Variants in WDR49 observed in about 807,000 individuals in gnomAD.
The protein encoded by WDR49 is cilia- and flagella-associated protein 337.
Under a neutral mutation model 119.5 loss-of-function variants are expected in WDR49, and 107 were observed. The observed-to-expected ratio is 0.90, with a 90% CI of 0.77 to 1.05. The LOEUF is 1.05. WDR49 is among the 50% of genes least tolerant of loss of function. The pLI is 0.00. For missense variants in WDR49, 1,240 were observed against 1,220.5 expected, an observed-to-expected ratio of 1.02 and a Z score of -0.24; for synonymous variants, 425 against 418.8, an observed-to-expected ratio of 1.01 and a Z score of -0.18.
chr3:167,491,756 C>T (rs1751140420), intron 18 of WDR49, among the ~76,000 whole-genome samples: 1 of 152,024 alleles, frequency 6.6e-6, no homozygotes, highest in African/African-American at 2.4e-5. Context: ...AAGTAGCTTC[C>T]AGGATTTTGA....
At chr3:167,654,886 G>A (rs1273376106), upstream of WDR49, among the ~76,000 whole-genome samples, 3 of 150,482 alleles carry the variant, frequency 2.0e-5, no homozygotes, top group Non-Finnish European at 4.4e-5. Context: ...GCAACAGAAT[G>A]AGACCCTGTC....
At chr3:167,651,289 T>G (rs1718367468) in intron 2 of WDR49, among the ~76,000 whole-genome samples, 1 of 152,162 alleles carries the variant, frequency 6.6e-6, no homozygotes, top group South Asian at 2.1e-4. Flanking sequence ...TCTTGACATT[T>G]CTAAGAGCAT....
At chr3:167,517,177 A>G (rs1413763945) in intron 16 of WDR49, among the ~76,000 whole-genome samples, 1 of 152,014 alleles carries the variant, frequency 6.6e-6, no homozygotes, top group Admixed American at 6.6e-5. Context: ...CTATTTTAAA[A>G]TTCATATGGA....
At position 167,576,029 on chromosome 3, in the gene WDR49, G is replaced by T; in HGVS notation, c.1398C>A (p.Ile466=). ...ACAATGCTAGCTGGTTATTAAACGAGATGAAAAGTCGTCCATGGGCTTCAT... is the reference window on the plus strand; with the variant it reads ...ACAATGCTAGCTGGTTATTAAACGATATGAAAAGTCGTCCATGGGCTTCAT... ...HFDEAHGRLF[I]SFNNQLALLA... The change falls in exon 8 of 19, where the codon ATC becomes ATA. Residue 466 remains isoleucine (I), a synonymous_variant. Transcript: ENST00000682715. 6.2e-7 allele frequency: 1 copy of T among 1,614,128 alleles called. No homozygotes were observed. Among genetic ancestry groups the T allele is most frequent in the Non-Finnish European group, 8.5e-7 (1 of 1,180,004 alleles).
chr3:167,533,481 A>G (rs1752919922), intron 11 of WDR49, among the ~76,000 whole-genome samples: 2 of 152,140 alleles, frequency 1.3e-5, no homozygotes, highest in African/African-American at 4.8e-5. Flanking sequence ...ATTATTGGGT[A>G]AAAGCAAGTA....
intron 2 of WDR49, among the ~76,000 whole-genome samples, chr3:167,639,755 A>C (rs1378589462): frequency 6.6e-6 from 1 of 151,812 alleles, no homozygotes; most frequent in Non-Finnish European, 1.5e-5. Flanking sequence ...TCTCAAACCA[A>C]AGATCCAACT....
chr3:167,516,526 T>C (rs559249824), intron 16 of WDR49, among the ~76,000 whole-genome samples: 7 of 152,246 alleles, frequency 4.6e-5, no homozygotes, highest in Non-Finnish European at 8.8e-5. Context: ...TGGTTCCAAG[T>C]CGTCGTTATT....
chr3:167,592,417 G>A (rs1047811766), intron 7 of WDR49, among the ~76,000 whole-genome samples: 52 of 150,694 alleles, frequency 3.5e-4, no homozygotes, highest in African/African-American at 1.2e-3. Context: ...TGTACCGTTA[G>A]ATGATTTCTT....
chr3:167,654,145 C>A (rs1363895471), upstream of WDR49, among the ~76,000 whole-genome samples: 1 of 152,030 alleles, frequency 6.6e-6, no homozygotes, highest in Non-Finnish European at 1.5e-5. Context: ...TATTAAACGA[C>A]ATCTTGTATT....
At chr3:167,518,669 TC>T (rs1752312161) in intron 16 of WDR49, among the ~76,000 whole-genome samples, 1 of 151,682 alleles carries the variant, frequency 6.6e-6, no homozygotes, top group Non-Finnish European at 1.5e-5. Context: ...AAAAATTTTC[TC>T]CCATATTGTA....
chr3:167,657,693 G>A (rs1403003523), upstream of WDR49, among the ~76,000 whole-genome samples: 1 of 152,114 alleles, frequency 6.6e-6, no homozygotes. Flanking sequence ...ACTGAAATCA[G>A]TTTTACCTTA....
rs1239950604 is a variant in WDR49 at position 167,538,727 on chromosome 3, A to G, written c.1824-1727T>C. The stretch of plus-strand genomic sequence containing the variant: ...AAAATGTGGTAAGTGCTAAGGCATT[A>G]CTGATCAACTGCCATGAAAGGCCAG... On this transcript the variant is annotated intron_variant, in intron 10 of 18. Transcript: ENST00000682715. Among the ~76,000 whole-genome samples the G allele has an allele frequency of 2.6e-5, 4 of 152,196 alleles. No homozygotes were observed. The East Asian group carries it at 7.7e-4, about 29-fold the overall frequency.
intron 7 of WDR49, among the ~76,000 whole-genome samples, chr3:167,578,020 A>G (rs1369898052): frequency 2.0e-5 from 3 of 152,176 alleles, no homozygotes; most frequent in Non-Finnish European, 2.9e-5. Flanking sequence ...TACAGTAATT[A>G]TTAAATATAT....
chr3:167,596,023 GA>G (rs1320789533), intron 7 of WDR49, among the ~76,000 whole-genome samples: 11 of 141,748 alleles, frequency 7.8e-5, no homozygotes, highest in South Asian at 7.2e-4. Context: ...AAATTTACAA[GA>G]AAAAAACAAA....
chr3:167,584,063 C>T (rs1263199034), intron 7 of WDR49, among the ~76,000 whole-genome samples: 1 of 152,000 alleles, frequency 6.6e-6, no homozygotes, highest in Non-Finnish European at 1.5e-5. Context: ...AAGTCAGAAT[C>T]CCCTAAATGA....
chr3:167,517,769 A>T (rs1014371913), intron 16 of WDR49, among the ~76,000 whole-genome samples: 17 of 147,000 alleles, frequency 1.2e-4, no homozygotes, highest in African/African-American at 4.0e-4. Context: ...GTTTTAGGGT[A>T]CATGTGCACA....
At chr3:167,602,943 A>C (rs1433167660) in intron 6 of WDR49, among the ~76,000 whole-genome samples, 1 of 152,148 alleles carries the variant, frequency 6.6e-6, no homozygotes, top group African/African-American at 2.4e-5. Flanking sequence ...AGGCTACAGC[A>C]TATAGCTTAG....
In WDR49 at chr3:167,539,904, T is replaced by C. The variant is rs1347730941; in HGVS notation, c.1824-2904A>G. On this transcript the variant is annotated intron_variant, in intron 10 of 18. Transcript: ENST00000682715. ...TTTTTTTCCTTCTACAACAGCAGTG[T>C]CTAGAATAATACCTACCACGATAGG... 2.6e-5 allele frequency among the ~76,000 whole-genome samples: 4 copies of C among 152,172 alleles called. No individual in the cohort carries two copies. In the South Asian group the frequency reaches 8.3e-4, roughly 31 times the overall value.
chr3:167,573,841 C>T (rs564502423), intron 8 of WDR49, among the ~76,000 whole-genome samples: 57 of 152,238 alleles, frequency 3.7e-4, no homozygotes, highest in African/African-American at 1.3e-3. Flanking sequence ...ACGATGTCTG[C>T]AAAGTATTCC....
Sources: allele counts gnomAD v4.1 joint callset (sites outside exome capture counted in the v4.1 genomes callset), GRCh38; gene constraint gnomAD v4.1.1; transcripts MANE v1.5; gene names NCBI Gene and HGNC (gene_info 2026-07-23, HGNC 2026-07-21).